Variants in CAB39 observed in about 807,000 individuals in gnomAD.
The protein encoded by CAB39 is calcium-binding protein 39.
A neutral mutation model predicts 40.0 loss-of-function variants in CAB39; 8 were observed. That is an observed-to-expected ratio of 0.20 (90% CI 0.12 to 0.36). The LOEUF (loss-of-function observed/expected upper bound fraction) is 0.36, where lower values mean the gene tolerates loss of function less well. Among genes scored for constraint, CAB39 ranks in the 10% least tolerant of loss-of-function variants. The probability of loss-of-function intolerance (pLI) is 1.00; values close to 1 mark genes in which losing one functional copy is unlikely to be tolerated. For missense variants in CAB39, 270 were observed against 401.1 expected (o/e 0.67, Z 2.79); for synonymous variants, 156 against 141.6 (o/e 1.10, Z -0.72).
chr2:230,818,186 A>G, intron 8 of CAB39: 1 of 457,868 alleles, frequency 2.2e-6, no homozygotes, highest in Non-Finnish European at 3.8e-6. Flanking sequence ...CTTTCTGTGG[A>G]GGTTTCATTC....
chr2:230,804,161 A>AT (rs1428003671), intron 5 of CAB39, among the ~76,000 whole-genome samples: 2 of 152,224 alleles, frequency 1.3e-5, no homozygotes, highest in Admixed American at 6.5e-5. Flanking sequence ...AGGATTCCCT[A>AT]TTTAATAAAT....
intron 1 of CAB39, among the ~76,000 whole-genome samples, chr2:230,736,354 T>C (rs945635920): frequency 2.0e-5 from 3 of 152,172 alleles, no homozygotes; most frequent in African/African-American, 7.2e-5. Flanking sequence ...TGGAGAAAAT[T>C]AGGGATATGT....
At chr2:230,782,627 A>G (rs1382134533) in intron 2 of CAB39, among the ~76,000 whole-genome samples, 1 of 152,136 alleles carries the variant, frequency 6.6e-6, no homozygotes, top group Non-Finnish European at 1.5e-5. Context: ...CTGTGAGACC[A>G]TAGGGAATTA....
chr2:230,772,487 G>GTTT (rs35032723), intron 2 of CAB39, among the ~76,000 whole-genome samples: 3 of 142,670 alleles, frequency 2.1e-5, no homozygotes, highest in Non-Finnish European at 3.1e-5. Flanking sequence ...AGTTTGGCAG[G>GTTT]TTTTTTTTTT....
intron 4 of CAB39, among the ~76,000 whole-genome samples, chr2:230,796,589 A>G (rs1043752367): frequency 5.3e-5 from 8 of 152,134 alleles, no homozygotes; most frequent in Non-Finnish European, 7.3e-5. Context: ...AGATATTTCC[A>G]TCAAGTAAGA....
intron 4 of CAB39, among the ~76,000 whole-genome samples, chr2:230,796,658 G>A (rs188080164): frequency 2.0e-5 from 3 of 152,108 alleles, no homozygotes; most frequent in Admixed American, 6.6e-5. Flanking sequence ...GTTTTATCTT[G>A]TTGAGGATCT....
At chr2:230,773,809 G>C (rs1695535342) in intron 2 of CAB39, among the ~76,000 whole-genome samples, 1 of 152,112 alleles carries the variant, frequency 6.6e-6, no homozygotes, top group Non-Finnish European at 1.5e-5. Context: ...CCCATGAGTG[G>C]AAATAAAACA....
rs994526769 is a variant in CAB39, at chr2:230,715,966, G to T, written c.-44+2736G>T. Among the ~76,000 whole-genome samples, 10 of 152,250 alleles carry T rather than the reference G, an allele frequency of 6.6e-5. No homozygotes were observed. The South Asian group carries it at 1.2e-3, about 19-fold the overall frequency. On this transcript the variant is annotated intron_variant, in intron 1 of 8. Coordinates refer to ENST00000258418, the MANE Select transcript of CAB39 (RefSeq NM_016289.4). The stretch of plus-strand genomic sequence containing the variant: ...CTCGCCTTGTCCTCCCAAAGTGCAG[G>T]GATTACAGGCGTGAGCCACCACGCT...
chr2:230,818,612 G>A lies in CAB39; in HGVS notation c.934G>A (p.Asp312Asn), dbSNP rs1696446902. The A allele has an allele frequency of 4.3e-6, 7 of 1,614,028 alleles. No homozygotes were observed. The highest frequency in any genetic ancestry group is 4.2e-6 in the Non-Finnish European group (5 of 1,179,990). ...LIEFLSKFQN[D>N]RTEDEQFNDE... ...AGAGTTCCTCAGCAAGTTTCAGAAC[G>A]ACAGGACGGAGGATGAGCAGTTTAA... is the stretch of plus-strand genomic sequence containing the variant. The change falls in exon 9 of 9, where the codon GAC (aspartate) becomes AAC (asparagine). Residue 312 changes from aspartate to asparagine, a missense_variant. Asp to Asn is a conservative substitution (Grantham distance 23). Transcript: ENST00000258418.
intron 1 of CAB39, among the ~76,000 whole-genome samples, chr2:230,714,845 T>C (rs1694320874): frequency 6.6e-6 from 1 of 152,234 alleles, no homozygotes; most frequent in African/African-American, 2.4e-5. Context: ...GAATATACGA[T>C]CTGTGAAAGC....
chr2:230,804,957 C>T (rs2466156), intron 5 of CAB39, among the ~76,000 whole-genome samples: 152,160 of 152,336 alleles, frequency 1, 75,992 homozygotes, highest in Middle Eastern at 1. Flanking sequence ...CGTATATTTA[C>T]TGTTGCACTA....
At chr2:230,750,087 G>A (rs1695059531) in intron 1 of CAB39, among the ~76,000 whole-genome samples, 1 of 152,168 alleles carries the variant, frequency 6.6e-6, no homozygotes, top group African/African-American at 2.4e-5. Context: ...CTGTTACTTT[G>A]AGGATCAAAA....
chr2:230,719,870 C>T (rs1010807444), intron 1 of CAB39, among the ~76,000 whole-genome samples: 3 of 152,154 alleles, frequency 2.0e-5, no homozygotes, highest in Non-Finnish European at 4.4e-5. Flanking sequence ...TGCTGGTGGT[C>T]TTGCAGTCTG....
chr2:230,816,741 C>T (rs892326553), intron 7 of CAB39, among the ~76,000 whole-genome samples: 3 of 152,188 alleles, frequency 2.0e-5, no homozygotes, highest in Non-Finnish European at 2.9e-5. Flanking sequence ...CACTGATGCT[C>T]GTTTCTCACT....
At chr2:230,815,173 G>A (rs1434319745) in intron 7 of CAB39, among the ~76,000 whole-genome samples, 1 of 152,240 alleles carries the variant, frequency 6.6e-6, no homozygotes, top group Non-Finnish European at 1.5e-5. Context: ...TTTCAGAACA[G>A]CATATGCCTT....
chr2:230,715,089 ATT>A (rs902446566), intron 1 of CAB39, among the ~76,000 whole-genome samples: 120 of 152,078 alleles, frequency 7.9e-4, no homozygotes, highest in African/African-American at 2.8e-3. Flanking sequence ...TTTTCTGTGT[ATT>A]TTTTCTTTGC....
At chr2:230,769,537 TA>T (rs1376742992) in intron 2 of CAB39, among the ~76,000 whole-genome samples, 2 of 152,206 alleles carry the variant, frequency 1.3e-5, no homozygotes, top group African/African-American at 4.8e-5. Context: ...CAGTACATTT[TA>T]AAGGATAAAG....
At chr2:230,756,241 C>T (rs1053682630) in intron 1 of CAB39, among the ~76,000 whole-genome samples, 1 of 152,164 alleles carries the variant, frequency 6.6e-6, no homozygotes, top group Admixed American at 6.6e-5. Flanking sequence ...TTACACAAAC[C>T]TAGATAGTAT....
intron 5 of CAB39, among the ~76,000 whole-genome samples, chr2:230,807,239 T>C (rs1696212481): frequency 6.6e-6 from 1 of 151,290 alleles, no homozygotes; most frequent in African/African-American, 2.4e-5. Context: ...CTCACCCCAG[T>C]TTGAGCTGTC....
Sources: gnomAD v4.1 joint callset for allele counts (sites outside exome capture counted in the v4.1 genomes callset) on GRCh38, gnomAD v4.1.1 for gene constraint, MANE v1.5 for transcripts, NCBI Gene and HGNC (gene_info 2026-07-23, HGNC 2026-07-21) for gene names.